Variants in SCN3A observed in about 807,000 individuals in gnomAD.
SCN3A encodes the protein sodium voltage-gated channel alpha subunit 3, also known as sodium channel protein type 3 subunit alpha.
A neutral mutation model predicts 187.6 loss-of-function variants in SCN3A; 60 were observed. The ratio of observed to expected loss-of-function variants is 0.32; its 90% CI spans 0.26 to 0.40. The LOEUF is 0.40. SCN3A is among the 10% of genes least tolerant of loss of function. SCN3A has a pLI of 1.00. For synonymous variants in SCN3A, 788 were observed against 829.2 expected (o/e 0.95, Z 0.85); for missense variants, 1,601 against 2,428.2 (o/e 0.66, Z 7.16).
chr2:165,169,640 C>T (rs950755530), intron 4 of SCN3A, among the ~76,000 whole-genome samples: 1 of 151,822 alleles, frequency 6.6e-6, no homozygotes, highest in African/African-American at 2.4e-5. Flanking sequence ...ATTCATACCT[C>T]AAAAGGTTAT....
chr2:165,172,271 T>C (rs1428780645), intron 3 of SCN3A, among the ~76,000 whole-genome samples: 1 of 152,174 alleles, frequency 6.6e-6, no homozygotes, highest in African/African-American at 2.4e-5. Flanking sequence ...ACACAGTTTC[T>C]CTGTTCATTG....
intron 21 of SCN3A, among the ~76,000 whole-genome samples, chr2:165,111,484 T>TAC (rs60417556): frequency 0.011 from 1,548 of 142,606 alleles, 19 homozygotes; most frequent in East Asian, 0.018. Flanking sequence ...GCCAGTCTGA[T>TAC]ACACACACAC....
chr2:165,102,042 A>G (rs551629406), intron 21 of SCN3A, among the ~76,000 whole-genome samples: 1 of 152,344 alleles, frequency 6.6e-6, no homozygotes, highest in African/African-American at 2.4e-5. Context: ...ACAGGCTTCT[A>G]TGTTCTATGC....
At chr2:165,162,191 A>G in intron 9 of SCN3A, 117 bp downstream of exon 9, 1 of 915,976 alleles carries the variant, frequency 1.1e-6, no homozygotes, top group Non-Finnish European at 1.7e-6. Flanking sequence ...GGGGAGCAGC[A>G]CTGCTCTTTA....
intron 4 of SCN3A, among the ~76,000 whole-genome samples, chr2:165,169,714 A>G (rs963504804): frequency 1.3e-5 from 2 of 151,898 alleles, no homozygotes; most frequent in Non-Finnish European, 2.9e-5. Context: ...CCTGCTTTGA[A>G]TCTGCCTATA....
chr2:165,155,966 A>G, intron 9 of SCN3A, 63 bp from the exon 10 acceptor site: 1 of 1,602,242 alleles, frequency 6.2e-7, no homozygotes, highest in East Asian at 2.2e-5. Flanking sequence ...AATTTATTTG[A>G]CTTATAGGAA....
chr2:165,163,642 G>T lies in SCN3A; in HGVS notation c.670C>A (p.Leu224Met). The change falls in exon 7 of 28, where the codon CTG becomes ATG. Residue 224 changes from leucine (L) to methionine (M), a missense_variant. Physicochemically the swap from Leu to Met is conservative, Grantham distance 15 (BLOSUM62 2). This residue lies in a region of SCN3A where 122 missense variants were observed against 225.1 expected (regional missense o/e 0.54). Transcript: ENST00000283254. ...CCTGGAATGACTGAAATTGTTTTCA[G>T]TGCTCGGAGAACTCTGAATGTTCTC... Reference protein sequence around the residue: ...ALRTFRVLRALKTISVIPGLK... With the variant: ...ALRTFRVLRAMKTISVIPGLK... The T allele has an allele frequency of 6.2e-7, 1 of 1,614,062 alleles. No homozygotes were observed. The highest frequency in any genetic ancestry group is 8.5e-7 in the Non-Finnish European group (1 of 1,179,972).
intron 1 of SCN3A, among the ~76,000 whole-genome samples, chr2:165,187,326 G>A (rs1040382282): frequency 6.6e-6 from 1 of 152,166 alleles, no homozygotes; most frequent in Non-Finnish European, 1.5e-5. Flanking sequence ...TAACCTAAAT[G>A]TAATAACCAG....
intron 15 of SCN3A, among the ~76,000 whole-genome samples, chr2:165,134,423 A>G (rs1225114957): frequency 6.6e-6 from 1 of 152,158 alleles, no homozygotes; most frequent in Non-Finnish European, 1.5e-5. Flanking sequence ...ATAACAGTAT[A>G]ACAATTATTT....
At position 165,113,823 on chromosome 2, in the gene SCN3A, C is replaced by T; in HGVS notation, c.3662G>A (p.Gly1221Asp). Residue 1221 changes from glycine to aspartate, a missense_variant, in exon 20 of 28, where the codon GGT (glycine) becomes GAT (aspartate). Around this residue, in one of 11 missense-constraint regions of SCN3A, gnomAD observed 267 missense variants for 313.2 expected, o/e 0.85. Coordinates refer to ENST00000283254, the MANE Select transcript of SCN3A (RefSeq NM_006922.4). ...FIVFMILLSSGALAFEDIYIE... is the reference protein window; with the variant it reads ...FIVFMILLSSDALAFEDIYIE... ...AATATGCATTTCACTTACCAATGCA[C>T]CACTACTGAGAAGGATCATGAACAC... is the stretch of plus-strand genomic sequence containing the variant. 6.2e-7 allele frequency: 1 copy of T among 1,613,840 alleles called. No individual in the cohort carries two copies. Among genetic ancestry groups the T allele is most frequent in the Non-Finnish European group, 8.5e-7 (1 of 1,179,818 alleles).
intron 26 of SCN3A, 185 bp downstream of exon 26, chr2:165,094,189 C>CT (rs1685248247): frequency 1.6e-6 from 1 of 640,648 alleles, no homozygotes; most frequent in Admixed American, 2.5e-5. Context: ...ACATTACCTC[C>CT]TTTTTTTGGA....
chr2:165,159,421 A>C (rs1194237363), intron 9 of SCN3A, among the ~76,000 whole-genome samples: 1 of 137,378 alleles, frequency 7.3e-6, no homozygotes, highest in Non-Finnish European at 1.5e-5. Context: ...CAGTGGTCTG[A>C]TCATGGCTCA....
intron 9 of SCN3A, 61 bp downstream of exon 9, chr2:165,162,247 C>T: frequency 1.4e-6 from 2 of 1,438,708 alleles, no homozygotes; most frequent in Non-Finnish European, 1.9e-6. Flanking sequence ...AGTTGTTTTC[C>T]TACCTACTTT....
At chr2:165,197,009 A>G (rs184118047) in intron 1 of SCN3A, among the ~76,000 whole-genome samples, 189 of 152,248 alleles carry the variant, frequency 1.2e-3, no homozygotes, top group Non-Finnish European at 2.4e-3. Flanking sequence ...AAATGTGTAC[A>G]TTGTTTGTAT....
At position 165,203,887 on chromosome 2, in the gene SCN3A, T is replaced by A. The variant is rs1389950653; in HGVS notation, c.-312A>T. ...CCCAGCATCCAAGATGGTTAGGGTA[T>A]AACGTGTCTTCCTCTGCAGCTGTTC... On this transcript the variant is annotated 5_prime_UTR_variant, in exon 1 of 28. Transcript: ENST00000283254. 6.7e-6 allele frequency: 1 copy of A among 148,822 alleles called. No homozygotes were observed. The highest frequency in any genetic ancestry group is 2.5e-5 in the African/African-American group (1 of 40,330). The allele number at this position is 148,822 out of a possible 1,614,324, so 9.2% of individuals were successfully genotyped here.
At chr2:165,137,699 T>G (rs1687750594) in intron 15 of SCN3A, among the ~76,000 whole-genome samples, 180 bp downstream of exon 15, 2 of 152,178 alleles carry the variant, frequency 1.3e-5, no homozygotes. Context: ...CAATCAGCAT[T>G]CATACCAGTT....
chr2:165,179,511 C>T (rs1018958041), intron 2 of SCN3A: 1 of 152,132 alleles, frequency 6.6e-6, no homozygotes, highest in East Asian at 1.9e-4. Context: ...GGTGCCATCA[C>T]AAAATCATGA....
At chr2:165,151,085 A>G (rs1478978923) in intron 11 of SCN3A, among the ~76,000 whole-genome samples, 1 of 152,188 alleles carries the variant, frequency 6.6e-6, no homozygotes, top group Non-Finnish European at 1.5e-5. Context: ...TATAAAATCA[A>G]TAAGGTATAT....
At position 165,091,036 on chromosome 2, in the gene SCN3A, G is replaced by A; in HGVS notation, c.5117C>T (p.Thr1706Ile). 6.2e-7 allele frequency: 1 copy of A among 1,614,154 alleles called. No homozygotes were observed. The highest frequency in any genetic ancestry group is 8.5e-7 in the Non-Finnish European group (1 of 1,180,034). ...CAATCCATCCCAGCCAGCAGAGGTT[G>A]TAATTTGGAACAAGCAGATCATGCT... ...GNSMICLFQI[T>I]TSAGWDGLLA... Residue 1706 changes from threonine (T) to isoleucine (I), a missense_variant, in exon 28 of 28, where the codon ACA becomes ATA. Around this residue, in one of 11 missense-constraint regions of SCN3A, gnomAD observed 320 missense variants for 623.2 expected, o/e 0.51. Transcript: ENST00000283254.
Sources: gnomAD v4.1 joint callset for allele counts (sites outside exome capture counted in the v4.1 genomes callset) on GRCh38, gnomAD v4.1.1 for gene constraint, gnomAD v4.1.1 regional missense constraint, MANE v1.5 for transcripts, NCBI Gene and HGNC (gene_info 2026-07-23, HGNC 2026-07-21) for gene names.